PBX3: variants seen among roughly 807,000 people sequenced by gnomAD.
PBX3 encodes pre-B-cell leukemia transcription factor 3.
Under a neutral mutation model 48.5 loss-of-function variants are expected in PBX3, and 14 were observed. The observed-to-expected ratio is 0.29, with a 90% CI of 0.19 to 0.45. PBX3 has a LOEUF of 0.45. PBX3 is among the 20% of genes least tolerant of loss of function. PBX3 has a pLI of 1.00. For missense variants in PBX3, 386 were observed against 546.7 expected, an observed-to-expected ratio of 0.71 and a Z score of 2.93; for synonymous variants, 210 against 200.3, an observed-to-expected ratio of 1.05 and a Z score of -0.41.
intron 2 of PBX3, chr9:125,749,560 C>CTTTTTTTTTTTTT (rs75281692): frequency 8.7e-6 from 1 of 115,352 alleles, no homozygotes; most frequent in African/African-American, 3.1e-5. Flanking sequence ...TCTTTTCTTT[C>CTTTTTTTTTTTTT]TTTTTTTTTT....
chr9:125,803,931 G>T (rs1838042979), intron 2 of PBX3, among the ~76,000 whole-genome samples: 1 of 152,222 alleles, frequency 6.6e-6, no homozygotes, highest in Admixed American at 6.5e-5. Context: ...AGCAAAGTCA[G>T]TGTAGACTCT....
intron 2 of PBX3, among the ~76,000 whole-genome samples, chr9:125,847,774 A>G (rs1301867322): frequency 6.6e-6 from 1 of 150,676 alleles, no homozygotes; most frequent in African/African-American, 2.4e-5. Context: ...TAGGGACTGA[A>G]TCTTCTATAG....
chr9:125,922,932 G>T (rs1164659051), intron 3 of PBX3, among the ~76,000 whole-genome samples: 1 of 152,178 alleles, frequency 6.6e-6, no homozygotes, highest in South Asian at 2.1e-4. Context: ...AATAGTTAAC[G>T]AATTTTACTT....
At chr9:125,847,833 G>A (rs1839468765) in intron 2 of PBX3, among the ~76,000 whole-genome samples, 1 of 151,586 alleles carries the variant, frequency 6.6e-6, no homozygotes, top group East Asian at 1.9e-4. Flanking sequence ...CCTGTAGAAT[G>A]GTTGTAATTG....
chr9:125,791,763 G>A (rs1482740834), intron 2 of PBX3, among the ~76,000 whole-genome samples: 2 of 151,920 alleles, frequency 1.3e-5, no homozygotes, highest in African/African-American at 4.8e-5. Context: ...GTGAAACCCC[G>A]TCTCTACTGA....
chr9:125,834,064 A>G (rs1375473732), intron 2 of PBX3, among the ~76,000 whole-genome samples: 1 of 152,234 alleles, frequency 6.6e-6, no homozygotes, highest in East Asian at 1.9e-4. Flanking sequence ...GATGTTGGGA[A>G]TACAGCAATG....
chr9:125,764,869 A>G (rs924389245), intron 2 of PBX3, among the ~76,000 whole-genome samples: 6 of 152,164 alleles, frequency 3.9e-5, no homozygotes, highest in African/African-American at 1.4e-4. Flanking sequence ...AAAAATCACT[A>G]TTCCTCTTCT....
intron 5 of PBX3, among the ~76,000 whole-genome samples, chr9:125,942,639 C>T (rs947588264): frequency 3.3e-5 from 5 of 152,156 alleles, no homozygotes; most frequent in Non-Finnish European, 7.4e-5. Context: ...GAAGTAGATT[C>T]CTACTGCAAG....
intron 2 of PBX3, chr9:125,749,509 C>G (rs1836306970): frequency 1.3e-5 from 2 of 150,954 alleles, no homozygotes; most frequent in Non-Finnish European, 1.5e-5. Context: ...ATGTGGCAAA[C>G]AAGTACATTA....
At chr9:125,847,141 C>T (rs1206733920) in intron 2 of PBX3, among the ~76,000 whole-genome samples, 1 of 151,934 alleles carries the variant, frequency 6.6e-6, no homozygotes, top group African/African-American at 2.4e-5. Flanking sequence ...TTAGGTGGCT[C>T]ATATTGTCTG....
At chr9:125,874,505 A>G (rs943355933) in intron 2 of PBX3, among the ~76,000 whole-genome samples, 1 of 152,190 alleles carries the variant, frequency 6.6e-6, no homozygotes, top group Admixed American at 6.5e-5. Context: ...CATTAATGTA[A>G]TCTTGGGCTA....
At chr9:125,752,732 AT>A (rs1168005593) in intron 2 of PBX3, among the ~76,000 whole-genome samples, 1 of 152,108 alleles carries the variant, frequency 6.6e-6, no homozygotes, top group African/African-American at 2.4e-5. Context: ...GTAAAAATCA[AT>A]TTTTTCAAGT....
At chr9:125,847,819 T>G (rs1168384445) in intron 2 of PBX3, among the ~76,000 whole-genome samples, 1 of 151,942 alleles carries the variant, frequency 6.6e-6, no homozygotes, top group Non-Finnish European at 1.5e-5. Flanking sequence ...ACCTGTAAAT[T>G]TAACCTGTAG....
chr9:125,799,792 T>C (rs1201151595), intron 2 of PBX3, among the ~76,000 whole-genome samples: 1 of 152,210 alleles, frequency 6.6e-6, no homozygotes, highest in South Asian at 2.1e-4. Flanking sequence ...GGTAATTTTC[T>C]ATGTGTTTAT....
chr9:125,866,402 C>G (rs1839981937), intron 2 of PBX3, among the ~76,000 whole-genome samples: 1 of 152,128 alleles, frequency 6.6e-6, no homozygotes, highest in Non-Finnish European at 1.5e-5. Flanking sequence ...GAAGTGAAAT[C>G]ATTAATTATT....
chr9:125,815,629 TTAA>T (rs2132140486), intron 2 of PBX3, among the ~76,000 whole-genome samples: 1 of 152,310 alleles, frequency 6.6e-6, no homozygotes, highest in South Asian at 2.1e-4. Context: ...ATATTACCTC[TTAA>T]TTATTTTTGG....
chr9:125,946,193 C>G (rs924192151), intron 5 of PBX3, among the ~76,000 whole-genome samples: 1 of 152,112 alleles, frequency 6.6e-6, no homozygotes, highest in African/African-American at 2.4e-5. Flanking sequence ...TACCTTATTC[C>G]TTGACATTGG....
At chr9:125,902,267 A>G (rs1342082518) in intron 2 of PBX3, among the ~76,000 whole-genome samples, 2 of 151,690 alleles carry the variant, frequency 1.3e-5, no homozygotes, top group African/African-American at 4.8e-5. Context: ...CAAATGTATG[A>G]TTAGAGCATT....
At chr9:125,795,980 T>C (rs1564659368) in intron 2 of PBX3, among the ~76,000 whole-genome samples, 1 of 152,202 alleles carries the variant, frequency 6.6e-6, no homozygotes, top group Non-Finnish European at 1.5e-5. Flanking sequence ...AGAGTCCTCT[T>C]GCATATTTTG....
Sources: allele counts gnomAD v4.1 joint callset (sites outside exome capture counted in the v4.1 genomes callset), GRCh38; gene constraint gnomAD v4.1.1; transcripts MANE v1.5; gene names NCBI Gene and HGNC (gene_info 2026-07-23, HGNC 2026-07-21).